CHRNA4: variants seen among roughly 807,000 people sequenced by gnomAD.
The protein encoded by CHRNA4 is neuronal acetylcholine receptor subunit alpha-4.
CHRNA4 carries 28 observed loss-of-function variants against 48.9 expected under a neutral mutation model. That is an observed-to-expected ratio of 0.57 (90% CI 0.42 to 0.79). The LOEUF (loss-of-function observed/expected upper bound fraction) is 0.79. Among genes scored for constraint, CHRNA4 ranks in the 30% least tolerant of loss-of-function variants. The probability of loss-of-function intolerance (pLI) is 0.00; values close to 1 mark genes in which losing one functional copy is unlikely to be tolerated. For synonymous variants in CHRNA4, 425 were observed against 402.3 expected (o/e 1.06, Z -0.68); for missense variants, 859 against 898.4 (o/e 0.96, Z 0.56).
chr20:63,356,451 C>A (rs756022384), intron 2 of CHRNA4, 36 bp from the exon 3 acceptor site: 4 of 1,574,642 alleles, frequency 2.5e-6, no homozygotes, highest in Middle Eastern at 1.7e-4. Flanking sequence ...CCAGTGACCC[C>A]TTGGTGTCTT....
intron 2 of CHRNA4, among the ~76,000 whole-genome samples, chr20:63,358,920 TC>T (rs1313078456): frequency 7.4e-6 from 1 of 135,886 alleles, no homozygotes; most frequent in Non-Finnish European, 1.6e-5. Flanking sequence ...CTCAGTTCTC[TC>T]AGCCTCGAAG....
rs2068568136 is a variant in CHRNA4 at position 63,350,235 on chromosome 20, G to T, written c.1176C>A (p.Pro392=). The T allele has an allele frequency of 6.2e-7, 1 of 1,609,472 alleles. No homozygotes were observed. Among genetic ancestry groups the T allele is most frequent in the Non-Finnish European group, 8.5e-7 (1 of 1,178,364 alleles). ...PRFWPEPEGE[P]PATSGTQSLH... is the part of the protein sequence containing the mutation. ...GGCTCTGGGTGCCGCTCGTGGCAGG[G>T]GGCTCCCCTTCTGGCTCGGGCCAGA... Residue 392 remains proline (P), a synonymous_variant, in exon 5 of 6, where the codon CCC becomes CCA. Coordinates refer to ENST00000370263, the MANE Select transcript of CHRNA4 (RefSeq NM_000744.7).
rs769897766 is a variant in CHRNA4 at position 63,350,074 on chromosome 20, G to A, written c.1337C>T (p.Pro446Leu). The A allele has an allele frequency of 9.2e-6, 14 of 1,520,070 alleles. No individual in the cohort carries two copies. Among genetic ancestry groups the A allele is most frequent in the Middle Eastern group, 1.8e-4 (1 of 5,440 alleles). 94.2% of individuals were successfully genotyped at this position (1,520,070 alleles called of 1,614,324 possible). A position where few individuals can be genotyped will look rare whatever the true frequency, so the allele number is the denominator to read the frequency against. ...EAEKASPHPS[P>L]GPCRPPHGTQ... ...GCCGTGGGGCGGGCGGCAGGGTCCA[G>A]GCGAGGGGTGGGGGCTGGCTTTCTC... The change falls in exon 5 of 6, where the codon CCT (proline) becomes CTT (leucine). Residue 446 changes from proline to leucine, a missense_variant. This residue lies in a region of CHRNA4 where 478 missense variants were observed against 455.4 expected (regional missense o/e 1.05). Coordinates refer to ENST00000370263, the MANE Select transcript of CHRNA4 (RefSeq NM_000744.7).
rs200010568 is a variant in CHRNA4 at position 63,356,000 on chromosome 20, G to T, written c.358C>A (p.Arg120=). 1 of 1,611,702 alleles carries T rather than the reference G, an allele frequency of 6.2e-7. No individual in the cohort carries two copies. Among genetic ancestry groups the T allele is most frequent in the African/African-American group, 1.3e-5 (1 of 74,516 alleles). The change falls in exon 4 of 6, where the codon CGG becomes AGG. Residue 120 remains arginine, a synonymous_variant. Coordinates refer to ENST00000370263, the MANE Select transcript of CHRNA4 (RefSeq NM_000744.7). ...TTGTTGTAGAGGACGATGTCCGGCC[G>T]CCAGATGAGCTCGGAGGGGATGCGG... ...SIRIPSELIW[R]PDIVLYNNAD...
In CHRNA4 at chr20:63,344,214, G is replaced by A. The variant is rs557180407; in HGVS notation, c.*2524C>T. ...TAGGATGAAGAAGCCAGACATCAAA[G>A]GCTCCAACTGCAGGATTCTGACTCC... On this transcript the variant is annotated 3_prime_UTR_variant, in exon 6 of 6. Coordinates refer to ENST00000370263, the MANE Select transcript of CHRNA4 (RefSeq NM_000744.7). The surrounding 1 kb of genome is among the most constrained non-coding windows in gnomAD (Gnocchi z 4.5). The A allele has an allele frequency of 2.2e-6, 1 of 454,002 alleles. No individual in the cohort carries two copies. The highest frequency in any genetic ancestry group is 2.3e-5 in the Admixed American group (1 of 42,566). The allele number at this position is 454,002 out of a possible 1,614,324, so 28.1% of individuals were successfully genotyped here. A position where few individuals can be genotyped will look rare whatever the true frequency, so the allele number is the denominator to read the frequency against.
In CHRNA4 at chr20:63,349,997, A is replaced by T. The variant is rs200892330; in HGVS notation, c.1414T>A (p.Ser472Thr). ...KARSLSVQHM[S>T]SPGEAVEGGV... ...CCTTCCACCGCTTCGCCAGGGCTGG[A>T]CATGTGCTGGACGCTGAGGGACCTG... Residue 472 changes from serine (S) to threonine (T), a missense_variant, in exon 5 of 6, where the codon TCC becomes ACC. Physicochemically the swap from Ser to Thr is moderately conservative, Grantham distance 58. Around this residue, in one of 3 missense-constraint regions of CHRNA4, gnomAD observed 478 missense variants for 455.4 expected, o/e 1.05. Transcript: ENST00000370263. 1.3e-6 allele frequency: 2 copies of T among 1,547,218 alleles called. No homozygotes were observed. The highest frequency in any genetic ancestry group is 2.4e-5 in the South Asian group (2 of 82,218).
intron 4 of CHRNA4, among the ~76,000 whole-genome samples, chr20:63,352,374 C>T (rs955158941): frequency 1.3e-5 from 2 of 152,200 alleles, no homozygotes; most frequent in Non-Finnish European, 2.9e-5. Context: ...TGGCCCCCCA[C>T]GGTCTCAGTC....
At chr20:63,359,897 C>CTA in intron 1 of CHRNA4, 198 bp from the exon 2 acceptor site, 1 of 435,362 alleles carries the variant, frequency 2.3e-6, no homozygotes, top group East Asian at 3.7e-5. Flanking sequence ...CGGGCGTGTG[C>CTA]TGTGTGTGTG....
At position 63,343,396 on chromosome 20, in the gene CHRNA4, G is replaced by A. The variant is rs2068435849; in HGVS notation, c.*3342C>T. The A allele has an allele frequency of 4.4e-6, 2 of 454,004 alleles. No individual in the cohort carries two copies. Among genetic ancestry groups the A allele is most frequent in the South Asian group, 3.1e-5 (2 of 64,478 alleles). The allele number at this position is 454,004 out of a possible 1,614,324, so 28.1% of individuals were successfully genotyped here. On this transcript the variant is annotated 3_prime_UTR_variant, in exon 6 of 6. Coordinates refer to ENST00000370263, the MANE Select transcript of CHRNA4 (RefSeq NM_000744.7). ...GGGCTTGCATCCCCAGGTGCTGTGT[G>A]TGCTGCGCCTGATCCAGCATTTCTG...
chr20:63,352,792 C>G (rs2145392964), intron 4 of CHRNA4, among the ~76,000 whole-genome samples: 1 of 152,294 alleles, frequency 6.6e-6, no homozygotes, highest in African/African-American at 2.4e-5. Flanking sequence ...GGTCCTCTGC[C>G]CGCGCCACAG....
At chr20:63,360,877 C>T (rs1168196982) in intron 1 of CHRNA4, 5 of 425,072 alleles carry the variant, frequency 1.2e-5, no homozygotes, top group Non-Finnish European at 2.1e-5. Flanking sequence ...TCCCAGCCCT[C>T]CGCATTCGCC....
chr20:63,351,091 C>G, intron 4 of CHRNA4, 64 bp from the exon 5 acceptor site: 2 of 1,550,310 alleles, frequency 1.3e-6, no homozygotes, highest in Non-Finnish European at 1.7e-6. Flanking sequence ...ACACCCACGC[C>G]CACTGCCACA....
rs1412875046 is a variant in CHRNA4 at position 63,359,798 on chromosome 20, G to A, written c.77-99C>T. On this transcript the variant is annotated intron_variant, in intron 1 of 5. Transcript: ENST00000370263. Reference sequence around the variant, plus strand: ...GCTGCCCCAGCCCCCTGCCCAGCACGTCCACTTCCTTTCAGCTCCTCACAT... The same window carrying A: ...GCTGCCCCAGCCCCCTGCCCAGCACATCCACTTCCTTTCAGCTCCTCACAT... The A allele has an allele frequency of 1.3e-5, 19 of 1,423,814 alleles. No homozygotes were observed. In the East Asian group the frequency reaches 3.2e-4, roughly 24 times the overall value. The allele number at this position is 1,423,814 out of a possible 1,614,324, so 88.2% of individuals were successfully genotyped here.
At chr20:63,359,436 ACT>A (rs2068767878) in intron 2 of CHRNA4, 110 bp downstream of exon 2, 2 of 1,384,584 alleles carry the variant, frequency 1.4e-6, no homozygotes, top group East Asian at 4.7e-5. Context: ...CGGGCCGGAC[ACT>A]CACAGCCACG....
rs1060503516 is a variant in CHRNA4 at position 63,361,131 on chromosome 20, A to G, written c.35T>C (p.Leu12Pro). ...CCCCAGAAGCAGCAGCAGCGGCGGC[A>G]GCAGCCGCGGCGCTCCGGGGCCCCC... ...ELGGPGAPRL[L>P]PPLLLLLGTG... The change falls in exon 1 of 6, where the codon CTG (leucine) becomes CCG (proline). Residue 12 changes from leucine to proline, a missense_variant. By Grantham distance (98) the Leu-to-Pro change is moderately conservative. Around this residue, in one of 3 missense-constraint regions of CHRNA4, gnomAD observed 342 missense variants for 365.3 expected, o/e 0.94. Coordinates refer to ENST00000370263, the MANE Select transcript of CHRNA4 (RefSeq NM_000744.7). 10 of 1,479,016 alleles carry G rather than the reference A, an allele frequency of 6.8e-6. No homozygotes were observed. The highest frequency in any genetic ancestry group is 1.5e-5 in the African/African-American group (1 of 68,328). 91.6% of individuals were successfully genotyped at this position (1,479,016 alleles called of 1,614,324 possible).
chr20:63,355,920 G>A, intron 4 of CHRNA4, 55 bp downstream of exon 4: 4 of 1,600,650 alleles, frequency 2.5e-6, no homozygotes, highest in Non-Finnish European at 3.4e-6. Context: ...GCAGGCCCTG[G>A]CCACTCCTGC....
intron 2 of CHRNA4, among the ~76,000 whole-genome samples, chr20:63,358,024 G>A (rs557753049): frequency 7.9e-5 from 12 of 152,304 alleles, no homozygotes; most frequent in African/African-American, 2.6e-4. Flanking sequence ...AGCTGCCAGC[G>A]GCCGCCTCTG....
chr20:63,356,855 C>G (rs945988050), intron 2 of CHRNA4, among the ~76,000 whole-genome samples: 1 of 152,194 alleles, frequency 6.6e-6, no homozygotes, highest in Non-Finnish European at 1.5e-5. Flanking sequence ...GGTGGCCCCT[C>G]CAGGACTGTG....
At chr20:63,348,615 G>A (rs1483679195) in intron 5 of CHRNA4, among the ~76,000 whole-genome samples, 4 of 152,240 alleles carry the variant, frequency 2.6e-5, no homozygotes, top group African/African-American at 9.6e-5. Context: ...AGGGCACCAG[G>A]CCCTGGCACC....
Sources: gnomAD v4.1 joint callset for allele counts (sites outside exome capture counted in the v4.1 genomes callset) on GRCh38, gnomAD v4.1.1 for gene constraint, gnomAD v4.1.1 regional missense constraint, Gnocchi (gnomAD v3.1) non-coding constraint, MANE v1.5 for transcripts, NCBI Gene and HGNC (gene_info 2026-07-23, HGNC 2026-07-21) for gene names.